PADI1: variants seen among roughly 807,000 people sequenced by gnomAD.
PADI1 encodes the protein peptidyl arginine deiminase 1, also known as protein-arginine deiminase type-1.
A neutral mutation model predicts 74.8 loss-of-function variants in PADI1; 65 were observed. The ratio of observed to expected loss-of-function variants is 0.87; its 90% confidence interval spans 0.71 to 1.07. The LOEUF (loss-of-function observed/expected upper bound fraction) is 1.07. PADI1 is among the 50% of genes least tolerant of loss of function. The pLI is 0.00. For missense variants in PADI1, 943 were observed against 854.0 expected, an observed-to-expected ratio of 1.10 and a Z score of -1.30; for synonymous variants, 371 against 336.2, an observed-to-expected ratio of 1.10 and a Z score of -1.13.
chr1:17,223,947 T>C (rs536620743), intron 3 of PADI1, among the ~76,000 whole-genome samples: 29 of 152,292 alleles, frequency 1.9e-4, no homozygotes, highest in African/African-American at 7.0e-4. Flanking sequence ...GCCTCCTTCA[T>C]CCAGAGTCCC....
chr1:17,218,882 G>A (rs769639665), intron 1 of PADI1, among the ~76,000 whole-genome samples: 3 of 152,150 alleles, frequency 2.0e-5, no homozygotes, highest in Non-Finnish European at 2.9e-5. Context: ...AGGCATGGTC[G>A]TGGACTCAAA....
chr1:17,224,533 G>T, intron 4 of PADI1, 105 bp downstream of exon 4: 1 of 893,054 alleles, frequency 1.1e-6, no homozygotes, highest in Non-Finnish European at 1.8e-6. Flanking sequence ...GATCCCCAGG[G>T]TCTGTAGTAT....
chr1:17,232,235 C>A (rs1034110893), intron 10 of PADI1, among the ~76,000 whole-genome samples: 2 of 152,120 alleles, frequency 1.3e-5, no homozygotes, highest in Non-Finnish European at 2.9e-5. Context: ...TGTGAGCCAC[C>A]ACGCCTGGCC....
chr1:17,238,081 C>T (rs929616162), intron 12 of PADI1, among the ~76,000 whole-genome samples: 4 of 152,230 alleles, frequency 2.6e-5, no homozygotes, highest in Admixed American at 6.5e-5. Flanking sequence ...CAGAATCTTG[C>T]TCTGTTGCCC....
chr1:17,231,700 T>G (rs1045432432), intron 10 of PADI1, among the ~76,000 whole-genome samples: 1 of 152,152 alleles, frequency 6.6e-6, no homozygotes, highest in African/African-American at 2.4e-5. Flanking sequence ...TTCTTTGTGT[T>G]TAGTTTGCTG....
intron 10 of PADI1, among the ~76,000 whole-genome samples, chr1:17,232,388 C>T (rs2072512728): frequency 6.6e-6 from 1 of 152,164 alleles, no homozygotes; most frequent in Non-Finnish European, 1.5e-5. Context: ...CACAGGCTTG[C>T]CCCACCACGC....
intron 1 of PADI1, among the ~76,000 whole-genome samples, chr1:17,219,795 A>G (rs1167054299): frequency 6.6e-6 from 1 of 152,002 alleles, no homozygotes; most frequent in Non-Finnish European, 1.5e-5. Flanking sequence ...ACCCTTGCCC[A>G]CCTCCAGGCC....
At chr1:17,229,411 C>T (rs1370776593) in intron 8 of PADI1, among the ~76,000 whole-genome samples, 5 of 152,224 alleles carry the variant, frequency 3.3e-5, no homozygotes, top group Non-Finnish European at 7.3e-5. Context: ...AACATGGGTA[C>T]GATCCCTTGC....
intron 1 of PADI1, among the ~76,000 whole-genome samples, chr1:17,209,232 C>T (rs1210145850): frequency 6.6e-6 from 1 of 152,184 alleles, no homozygotes; most frequent in Non-Finnish European, 1.5e-5. Context: ...ACACTAATTT[C>T]CAGCGACCGA....
rs771198376 is a variant in PADI1 at position 17,244,090 on chromosome 1, G to A, written c.1839G>A (p.Glu613=). The A allele has an allele frequency of 6.2e-7, 1 of 1,614,250 alleles. No individual in the cohort carries two copies. The highest frequency in any genetic ancestry group is 8.5e-7 in the Non-Finnish European group (1 of 1,180,052). ...TCATCAATGGCCGCTGCTGCCTGGA[G>A]GAGAAGGTGCAGTCCCTGCTGGAGC... is the stretch of plus-strand genomic sequence containing the variant. ...GPIINGRCCL[E]EKVQSLLEPL... Residue 613 remains glutamate (E), a synonymous_variant, in exon 16 of 16, where the codon GAG becomes GAA. Coordinates refer to ENST00000375471, the MANE Select transcript of PADI1 (RefSeq NM_013358.3).
chr1:17,235,261 G>GGGAAGGAAGGAAGGGA (rs2072607765), intron 11 of PADI1, among the ~76,000 whole-genome samples: 3 of 72,978 alleles, frequency 4.1e-5, no homozygotes, highest in African/African-American at 1.9e-4. Context: ...GAGGGAGGAA[G>GGGAAGGAAGGAAGGGA]GGAAGGAAGG....
intron 12 of PADI1, among the ~76,000 whole-genome samples, chr1:17,238,012 AAGG>A (rs1319062652): frequency 1.3e-5 from 2 of 152,180 alleles, no homozygotes; most frequent in Admixed American, 6.5e-5. Context: ...TCTGACAGTG[AAGG>A]AGGAGACATC....
At chr1:17,225,242 GC>G (rs1352889211) in intron 4 of PADI1, among the ~76,000 whole-genome samples, 1 of 152,212 alleles carries the variant, frequency 6.6e-6, no homozygotes, top group Non-Finnish European at 1.5e-5. Context: ...GGGAAAGTAA[GC>G]CCTGCCTTGT....
At chr1:17,218,896 A>T (rs2072052788) in intron 1 of PADI1, among the ~76,000 whole-genome samples, 1 of 152,130 alleles carries the variant, frequency 6.6e-6, no homozygotes, top group East Asian at 1.9e-4. Context: ...ACTCAAAGGC[A>T]GGAGGGCTGG....
chr1:17,240,737 G>C lies in PADI1; in HGVS notation c.1735G>C (p.Ala579Pro). Reference sequence around the variant, plus strand: ...GCTCTTCTTCCTGAAAAACTTCTACGCGGAAGCCTTCTTCCCAGACATGGT... The same window carrying C: ...GCTCTTCTTCCTGAAAAACTTCTACCCGGAAGCCTTCTTCCCAGACATGGT... ...PQLFFLKNFY[A>P]EAFFPDMVNM... The change falls in exon 15 of 16, where the codon GCG (alanine) becomes CCG (proline). Residue 579 changes from alanine (A) to proline (P), a missense_variant. Coordinates refer to ENST00000375471, the MANE Select transcript of PADI1 (RefSeq NM_013358.3). 2 of 1,614,000 alleles carry C rather than the reference G, an allele frequency of 1.2e-6. No homozygotes were observed. Among genetic ancestry groups the C allele is most frequent in the Non-Finnish European group, 1.7e-6 (2 of 1,179,922 alleles).
At chr1:17,233,519 G>A (rs2100500225) in intron 11 of PADI1, among the ~76,000 whole-genome samples, 1 of 152,386 alleles carries the variant, frequency 6.6e-6, no homozygotes. Flanking sequence ...GATGGAGCAG[G>A]AAACAAGGTA....
chr1:17,230,779 C>T (rs1474771511), intron 10 of PADI1, 100 bp downstream of exon 10: 15 of 695,492 alleles, frequency 2.2e-5, no homozygotes, highest in Non-Finnish European at 3.7e-5. Context: ...GCTCAGAGAA[C>T]AGGAAGAGGG....
rs749897581 is a variant in PADI1 at position 17,230,067 on chromosome 1, T to A, written c.930-18T>A. 6.2e-7 allele frequency: 1 copy of A among 1,609,750 alleles called. No individual in the cohort carries two copies. On this transcript the variant is annotated intron_variant, in intron 8 of 15. Coordinates refer to ENST00000375471, the MANE Select transcript of PADI1 (RefSeq NM_013358.3). Reference sequence around the variant, plus strand: ...GTCAGAGGCCATTAGCATGCTCCCCTCTCCCTACCTTTTACAGAGTGATGG... The same window carrying A: ...GTCAGAGGCCATTAGCATGCTCCCCACTCCCTACCTTTTACAGAGTGATGG...
At chr1:17,225,594 T>C (rs576660875) in intron 4 of PADI1, among the ~76,000 whole-genome samples, 20 of 152,198 alleles carry the variant, frequency 1.3e-4, no homozygotes, top group African/African-American at 4.8e-4. Flanking sequence ...AGAGCCATTG[T>C]GTATGGTTGT....
Sources: gnomAD v4.1 joint callset for allele counts (sites outside exome capture counted in the v4.1 genomes callset) on GRCh38, gnomAD v4.1.1 for gene constraint, MANE v1.5 for transcripts, NCBI Gene and HGNC (gene_info 2026-07-23, HGNC 2026-07-21) for gene names.